PRORP: variants seen among roughly 807,000 people sequenced by gnomAD.
PRORP encodes mitochondrial ribonuclease P catalytic subunit.
A neutral mutation model predicts 59.4 loss-of-function variants in PRORP; 51 were observed. That is an observed-to-expected ratio of 0.86 (90% confidence interval 0.69 to 1.08). The LOEUF (loss-of-function observed/expected upper bound fraction) is 1.08. Ranked by LOEUF, PRORP falls within the 50% of genes least tolerant of loss-of-function variation. The pLI, the probability that PRORP is intolerant of heterozygous loss-of-function variation, is 0.00. For missense variants in PRORP, 646 were observed against 690.3 expected, an observed-to-expected ratio of 0.94 and a Z score of 0.72; for synonymous variants, 231 against 245.6, an observed-to-expected ratio of 0.94 and a Z score of 0.55.
At chr14:35,261,267 C>G (rs2050895158) in intron 5 of PRORP, among the ~76,000 whole-genome samples, 1 of 152,156 alleles carries the variant, frequency 6.6e-6, no homozygotes, top group Non-Finnish European at 1.5e-5. Context: ...TGCCATTTTT[C>G]CCTCTACCTT....
chr14:35,242,049 A>C (rs1247601899), intron 5 of PRORP, among the ~76,000 whole-genome samples: 1 of 152,296 alleles, frequency 6.6e-6, no homozygotes, highest in East Asian at 1.9e-4. Flanking sequence ...CTGGAGCAGA[A>C]AAGGTACACA....
At chr14:35,202,760 G>A (rs920270469) in intron 5 of PRORP, among the ~76,000 whole-genome samples, 12 of 152,114 alleles carry the variant, frequency 7.9e-5, no homozygotes, top group African/African-American at 2.7e-4. Context: ...CTCCTGAGTA[G>A]CTAGGACAAC....
intron 5 of PRORP, among the ~76,000 whole-genome samples, chr14:35,260,281 ATAAAAT>A (rs1484126460): frequency 6.6e-6 from 1 of 152,204 alleles, no homozygotes; most frequent in Non-Finnish European, 1.5e-5. Context: ...GAAAGAAAAA[ATAAAAT>A]TAAAAAAGAG....
chr14:35,148,428 G>A (rs1055805155), intron 4 of PRORP, among the ~76,000 whole-genome samples: 1 of 152,010 alleles, frequency 6.6e-6, no homozygotes, highest in Non-Finnish European at 1.5e-5. Flanking sequence ...CTTTTTTTTG[G>A]AGCAGTAGGT....
intron 5 of PRORP, among the ~76,000 whole-genome samples, chr14:35,190,391 T>G (rs1325071130): frequency 7.1e-6 from 1 of 141,284 alleles, no homozygotes; most frequent in Non-Finnish European, 1.6e-5. Flanking sequence ...AGAGTGAAAC[T>G]CTGTCTCAAA....
chr14:35,124,976 T>G (rs1424040682), intron 2 of PRORP, among the ~76,000 whole-genome samples: 1 of 151,304 alleles, frequency 6.6e-6, no homozygotes, highest in Non-Finnish European at 1.5e-5. Context: ...TTCTCCTGCC[T>G]CACACTCCCG....
chr14:35,163,830 A>G (rs2048119176), intron 4 of PRORP, among the ~76,000 whole-genome samples: 1 of 152,298 alleles, frequency 6.6e-6, no homozygotes, highest in African/African-American at 2.4e-5. Context: ...GGACTTAACC[A>G]AAAATTCTTT....
At chr14:35,190,837 C>T (rs1445567614) in intron 5 of PRORP, among the ~76,000 whole-genome samples, 1 of 152,194 alleles carries the variant, frequency 6.6e-6, no homozygotes, top group Admixed American at 6.5e-5. Flanking sequence ...TGGACCCTTA[C>T]ATACTACTTG....
intron 5 of PRORP, among the ~76,000 whole-genome samples, chr14:35,224,549 A>C (rs1181262541): frequency 6.6e-6 from 1 of 152,202 alleles, no homozygotes; most frequent in African/African-American, 2.4e-5. Context: ...ATTTGAATTC[A>C]AGAAACCTGG....
intron 4 of PRORP, among the ~76,000 whole-genome samples, chr14:35,166,879 G>A (rs1307283481): frequency 2.0e-5 from 3 of 152,144 alleles, no homozygotes; most frequent in Non-Finnish European, 4.4e-5. Flanking sequence ...AGGTAGATGG[G>A]CAGAGTGTAC....
At chr14:35,251,858 A>G (rs1360717678) in intron 5 of PRORP, among the ~76,000 whole-genome samples, 1 of 151,942 alleles carries the variant, frequency 6.6e-6, no homozygotes, top group African/African-American at 2.4e-5. Context: ...CTGGCTGTTT[A>G]ATATTTTTGT....
intron 5 of PRORP, among the ~76,000 whole-genome samples, chr14:35,199,725 T>C (rs1260887041): frequency 6.6e-6 from 1 of 152,210 alleles, no homozygotes; most frequent in Non-Finnish European, 1.5e-5. Context: ...TCAGGTGTTT[T>C]GTGTGAACAG....
At chr14:35,142,374 G>A (rs1305838217) in intron 4 of PRORP, among the ~76,000 whole-genome samples, 2 of 128,186 alleles carry the variant, frequency 1.6e-5, no homozygotes, top group Non-Finnish European at 3.3e-5. Context: ...AAGAGATGAC[G>A]CCTTGCTCTT....
chr14:35,152,868 G>T (rs935296841), intron 4 of PRORP, among the ~76,000 whole-genome samples: 1 of 151,872 alleles, frequency 6.6e-6, no homozygotes, highest in East Asian at 1.9e-4. Flanking sequence ...TTTCCTAGAC[G>T]GGATGGCGGC....
chr14:35,231,495 T>C (rs938757442), intron 5 of PRORP, among the ~76,000 whole-genome samples: 1 of 152,212 alleles, frequency 6.6e-6, no homozygotes, highest in African/African-American at 2.4e-5. Flanking sequence ...TTTGTTGTTT[T>C]AATGGAAATT....
chr14:35,164,296 C>G (rs1213311899), intron 4 of PRORP, among the ~76,000 whole-genome samples: 1 of 152,124 alleles, frequency 6.6e-6, no homozygotes, highest in East Asian at 1.9e-4. Context: ...GGTGTATACC[C>G]AAAGGGAAAT....
chr14:35,151,421 C>T (rs1357422984), intron 4 of PRORP, among the ~76,000 whole-genome samples: 1 of 152,028 alleles, frequency 6.6e-6, no homozygotes, highest in Non-Finnish European at 1.5e-5. Flanking sequence ...CCTCTGATCA[C>T]CACTGAACCA....
intron 4 of PRORP, among the ~76,000 whole-genome samples, chr14:35,127,871 C>T (rs995632552): frequency 3.9e-5 from 6 of 152,134 alleles, no homozygotes; most frequent in Admixed American, 2.0e-4. Context: ...GCCAACCTTT[C>T]GGAGAGATTG....
chr14:35,146,625 A>AT (rs1478715442), intron 4 of PRORP, among the ~76,000 whole-genome samples: 10 of 152,210 alleles, frequency 6.6e-5, no homozygotes, highest in Non-Finnish European at 8.8e-5. Flanking sequence ...GGGTTTAGTG[A>AT]TTTTTTAAAA....
Sources: gnomAD v4.1 joint callset for allele counts (sites outside exome capture counted in the v4.1 genomes callset) on GRCh38, gnomAD v4.1.1 for gene constraint, MANE v1.5 for transcripts, NCBI Gene and HGNC (gene_info 2026-07-23, HGNC 2026-07-21) for gene names.